GALNTL6: variants seen among roughly 807,000 people sequenced by gnomAD.
GALNTL6 encodes the protein polypeptide N-acetylgalactosaminyltransferase-like 6.
GALNTL6 carries 46 observed loss-of-function variants against 73.7 expected under a neutral mutation model. The observed-to-expected ratio is 0.62, with a 90% confidence interval of 0.49 to 0.80. The LOEUF is 0.80. Among genes scored for constraint, GALNTL6 ranks in the 30% least tolerant of loss-of-function variants. GALNTL6 has a pLI of 0.00. For synonymous variants in GALNTL6, 259 were observed against 263.7 expected (o/e 0.98, Z 0.17); for missense variants, 604 against 755.0 (o/e 0.80, Z 2.34).
In GALNTL6 at chr4:173,012,999, G is replaced by A. The variant is rs571851782; in HGVS notation, c.1488+3705G>A. ...CTAAAAATACAAAAATCAGCCAGGCGTGGTGGCTGATTATATACATATATC... is the reference window on the plus strand; with the variant it reads ...CTAAAAATACAAAAATCAGCCAGGCATGGTGGCTGATTATATACATATATC... On this transcript the variant is annotated intron_variant, in intron 11 of 12. Transcript: ENST00000506823. Among the ~76,000 whole-genome samples, 12 of 152,260 alleles carry A rather than the reference G, an allele frequency of 7.9e-5. No individual in the cohort carries two copies. The South Asian group carries it at 2.1e-3, about 26-fold the overall frequency.
At chr4:172,522,224 G>A (rs1321245178) in intron 5 of GALNTL6, among the ~76,000 whole-genome samples, 2 of 152,044 alleles carry the variant, frequency 1.3e-5, no homozygotes, top group Admixed American at 1.3e-4. Context: ...GGGATACCAA[G>A]TGAATTATAT....
chr4:172,446,547 A>C (rs1398696939), intron 5 of GALNTL6, among the ~76,000 whole-genome samples: 1 of 152,206 alleles, frequency 6.6e-6, no homozygotes, highest in South Asian at 2.1e-4. Flanking sequence ...TAAAAGTTTC[A>C]TCATAAAGCC....
At position 172,498,277 on chromosome 4, in the gene GALNTL6, C is replaced by T. The variant is rs115752206; in HGVS notation, c.553+149588C>T. 6.2e-3 allele frequency among the ~76,000 whole-genome samples: 943 copies of T among 152,080 alleles called. 6 individuals are homozygous for T. The highest frequency in any genetic ancestry group is 7.7e-3 in the Admixed American group (118 of 15,278). ...TGCTGGGATTATAGGCATGAGCCACCGCACCCAGCTGAATGTCACATTTCA... is the reference window on the plus strand; with the variant it reads ...TGCTGGGATTATAGGCATGAGCCACTGCACCCAGCTGAATGTCACATTTCA... On this transcript the variant is annotated intron_variant, in intron 5 of 12. Transcript: ENST00000506823.
intron 3 of GALNTL6, among the ~76,000 whole-genome samples, chr4:172,261,445 T>G (rs1264223993): frequency 6.6e-6 from 1 of 151,572 alleles, no homozygotes; most frequent in Non-Finnish European, 1.5e-5. Flanking sequence ...TGGTATTGGT[T>G]GTAATAGCTC....
chr4:172,760,083 G>T (rs553791062), intron 5 of GALNTL6, among the ~76,000 whole-genome samples: 4 of 151,256 alleles, frequency 2.6e-5, no homozygotes, highest in African/African-American at 9.8e-5. Flanking sequence ...TGATCCACCC[G>T]CCTCGGCCTC....
At chr4:172,326,830 A>G (rs1390408346) in intron 4 of GALNTL6, among the ~76,000 whole-genome samples, 2 of 151,910 alleles carry the variant, frequency 1.3e-5, no homozygotes, top group African/African-American at 4.8e-5. Context: ...TAAAGTTGAT[A>G]TAATTCTTTT....
At chr4:172,895,392 A>G (rs952055545) in intron 8 of GALNTL6, among the ~76,000 whole-genome samples, 1 of 146,828 alleles carries the variant, frequency 6.8e-6, no homozygotes. Flanking sequence ...TGTTATATAT[A>G]TATATATATA....
At chr4:172,187,144 C>A (rs1168614942) in intron 2 of GALNTL6, among the ~76,000 whole-genome samples, 2 of 152,052 alleles carry the variant, frequency 1.3e-5, no homozygotes, top group Admixed American at 6.6e-5. Flanking sequence ...TTTTAATTTA[C>A]AACCTTTTAT....
At chr4:172,849,989 T>C (rs1743728373) in intron 7 of GALNTL6, among the ~76,000 whole-genome samples, 2 of 152,180 alleles carry the variant, frequency 1.3e-5, no homozygotes, top group South Asian at 4.1e-4. Flanking sequence ...GTCTTTCCTC[T>C]TCATACTACG....
chr4:171,975,982 G>A (rs1739709756), intron 2 of GALNTL6, among the ~76,000 whole-genome samples: 1 of 152,100 alleles, frequency 6.6e-6, no homozygotes, highest in Admixed American at 6.5e-5. Flanking sequence ...GAGTGCATTG[G>A]TGCAACCTCA....
intron 5 of GALNTL6, among the ~76,000 whole-genome samples, chr4:172,756,707 T>G (rs1370582): frequency 0.96 from 145,299 of 152,130 alleles, 69,731 homozygotes; most frequent in East Asian, 1. Context: ...GATTATAAAA[T>G]ATTATGAGAT....
intron 5 of GALNTL6, among the ~76,000 whole-genome samples, chr4:172,648,787 C>T (rs1051010424): frequency 4.6e-5 from 7 of 152,140 alleles, no homozygotes; most frequent in South Asian, 2.1e-4. Context: ...GGCCTTTTCT[C>T]CTGCCAGCTT....
In GALNTL6 at chr4:172,938,157, G is replaced by A. The variant is rs563067975; in HGVS notation, c.1149+6889G>A. Among the ~76,000 whole-genome samples the A allele has an allele frequency of 1.6e-3, 249 of 152,234 alleles. 4 individuals are homozygous for A. The highest frequency in any genetic ancestry group is 5.8e-3 in the African/African-American group (242 of 41,538). On this transcript the variant is annotated intron_variant, in intron 9 of 12. Transcript: ENST00000506823. ...GTTGTGCCTCTGTAAGCTGTGAAAC[G>A]ACTTCTTTATATACTTCCCAAGATG...
At chr4:172,706,723 G>A (rs1433787576) in intron 5 of GALNTL6, among the ~76,000 whole-genome samples, 3 of 152,096 alleles carry the variant, frequency 2.0e-5, no homozygotes, top group Non-Finnish European at 4.4e-5. Flanking sequence ...GCACATCTCA[G>A]ACTGCGGGGA....
intron 3 of GALNTL6, among the ~76,000 whole-genome samples, chr4:172,295,160 G>A (rs1436503472): frequency 2.0e-5 from 3 of 152,216 alleles, no homozygotes; most frequent in East Asian, 3.9e-4. Flanking sequence ...GGTGGCTCAC[G>A]TCTGTAATGC....
intron 7 of GALNTL6, among the ~76,000 whole-genome samples, chr4:172,815,219 T>C (rs899720884): frequency 6.6e-6 from 1 of 152,206 alleles, no homozygotes; most frequent in Non-Finnish European, 1.5e-5. Context: ...AATATGTACG[T>C]ATTTCAAAAC....
chr4:172,855,727 C>A (rs1270838001), intron 7 of GALNTL6, among the ~76,000 whole-genome samples: 2 of 152,122 alleles, frequency 1.3e-5, no homozygotes, highest in African/African-American at 4.8e-5. Context: ...CTACCAACAC[C>A]CCAGAATTTC....
chr4:172,132,535 A>G (rs1047711757), intron 2 of GALNTL6, among the ~76,000 whole-genome samples: 1 of 152,106 alleles, frequency 6.6e-6, no homozygotes, highest in Admixed American at 6.6e-5. Context: ...TGTGGTATGT[A>G]TGAGTGTGCA....
chr4:171,859,587 A>T (rs1735777358), intron 2 of GALNTL6, among the ~76,000 whole-genome samples: 2 of 152,198 alleles, frequency 1.3e-5, no homozygotes, highest in African/African-American at 4.8e-5. Flanking sequence ...ACAGGTTAAT[A>T]TTAACAAAGA....
Sources: allele counts gnomAD v4.1 joint callset (sites outside exome capture counted in the v4.1 genomes callset), GRCh38; gene constraint gnomAD v4.1.1; transcripts MANE v1.5; gene names NCBI Gene and HGNC (gene_info 2026-07-23, HGNC 2026-07-21).